GRM5: variants seen among roughly 807,000 people sequenced by gnomAD.
GRM5 encodes the protein glutamate metabotropic receptor 5, also known as metabotropic glutamate receptor 5.
In GRM5, 19 loss-of-function variants were observed where a neutral mutation model predicts 83.1. That is an observed-to-expected ratio of 0.23 (90% CI 0.16 to 0.34). GRM5 has a LOEUF of 0.34. GRM5 is among the 10% of genes least tolerant of loss of function. GRM5 has a pLI of 1.00. For synonymous variants in GRM5, 675 were observed against 633.6 expected, an observed-to-expected ratio of 1.07 and a Z score of -0.98; for missense variants, 1,160 against 1,588.3, an observed-to-expected ratio of 0.73 and a Z score of 4.58.
chr11:88,587,642 C>A (rs1456971578), intron 7 of GRM5, among the ~76,000 whole-genome samples: 1 of 152,068 alleles, frequency 6.6e-6, no homozygotes, highest in African/African-American at 2.4e-5. Context: ...TTCCCCCCAG[C>A]ATTCTCCCCT....
intron 3 of GRM5, among the ~76,000 whole-genome samples, chr11:88,704,484 CAA>C (rs1426533135): frequency 6.6e-6 from 1 of 151,732 alleles, no homozygotes; most frequent in Non-Finnish European, 1.5e-5. Flanking sequence ...CAAAGAAACT[CAA>C]AGCCATTTCT....
intron 2 of GRM5, among the ~76,000 whole-genome samples, chr11:88,925,174 G>A (rs1211501585): frequency 6.6e-6 from 1 of 151,982 alleles, no homozygotes; most frequent in African/African-American, 2.4e-5. Flanking sequence ...GCTCAACAGT[G>A]TCATGATTTA....
Position 88,720,796 on chromosome 11 carries a change from C to CTGTGTGTGTG in GRM5, c.912-67403_912-67394dup, listed in dbSNP as rs748475378. 3.2e-4 allele frequency among the ~76,000 whole-genome samples: 46 copies of CTGTGTGTGTG among 141,766 alleles called. 1 individual carries two copies. The East Asian group carries it at 3.8e-3, about 12-fold the overall frequency. 93.0% of individuals were successfully genotyped at this position (141,766 alleles called of 152,430 possible). ...ACAGGTTTGCAGGAAAATCATTACT[C>CTGTGTGTGTG]TGTGTGTGTGTGTGTGTGTGTGTGC... On this transcript the variant is annotated intron_variant, in intron 3 of 9. Transcript: ENST00000305447.
chr11:88,850,040 C>A lies in GRM5; in HGVS notation c.777G>T (p.Lys259Asn). Residue 259 changes from lysine to asparagine, a missense_variant, in exon 3 of 10, where the codon AAG becomes AAT. Around this residue, in one of 9 missense-constraint regions of GRM5, gnomAD observed 84 missense variants for 231.0 expected, o/e 0.36. Coordinates refer to ENST00000305447, the MANE Select transcript of GRM5 (RefSeq NM_001143831.3). ...AGTGACTTGTGAGCTTCTTCAGCAG[C>A]TTATCAAAGCTCTGCTCCCCTGCAT... ...YSNAGEQSFD[K>N]LLKKLTSHLP... The A allele has an allele frequency of 6.2e-7, 1 of 1,608,102 alleles. No homozygotes were observed. The highest frequency in any genetic ancestry group is 8.5e-7 in the Non-Finnish European group (1 of 1,174,554).
chr11:88,767,118 G>A (rs968880932), intron 3 of GRM5, among the ~76,000 whole-genome samples: 1 of 151,722 alleles, frequency 6.6e-6, no homozygotes, highest in Non-Finnish European at 1.5e-5. Flanking sequence ...CAGTATGCTG[G>A]GATTAGAGAC....
chr11:88,779,690 C>T (rs931883363), intron 3 of GRM5, among the ~76,000 whole-genome samples: 3 of 152,140 alleles, frequency 2.0e-5, no homozygotes, highest in Admixed American at 6.6e-5. Context: ...TGCTGCTCCT[C>T]CTCCTAAGTT....
At chr11:88,959,902 C>A (rs1938731875) in intron 2 of GRM5, among the ~76,000 whole-genome samples, 1 of 152,128 alleles carries the variant, frequency 6.6e-6, no homozygotes. Flanking sequence ...TACAGCTAGA[C>A]TTTGGAAAGA....
chr11:88,697,114 T>A (rs1488889581), intron 3 of GRM5, among the ~76,000 whole-genome samples: 2 of 152,212 alleles, frequency 1.3e-5, no homozygotes, highest in Non-Finnish European at 2.9e-5. Flanking sequence ...ATATATAGTA[T>A]TTTTTATAAA....
chr11:88,785,640 T>C (rs1307471609), intron 3 of GRM5, among the ~76,000 whole-genome samples: 1 of 152,106 alleles, frequency 6.6e-6, no homozygotes, highest in Non-Finnish European at 1.5e-5. Context: ...AGTCAAAGCA[T>C]TCAGTTCTTT....
chr11:88,781,776 G>A (rs1256684524), intron 3 of GRM5, among the ~76,000 whole-genome samples: 1 of 152,130 alleles, frequency 6.6e-6, no homozygotes, highest in Non-Finnish European at 1.5e-5. Flanking sequence ...CTAGCATCAT[G>A]GATTAAATCA....
chr11:88,508,379 A>C lies in GRM5; in HGVS notation c.*213T>G. 1 of 480,380 alleles carries C rather than the reference A, an allele frequency of 2.1e-6. No individual in the cohort carries two copies. Among genetic ancestry groups the C allele is most frequent in the Non-Finnish European group, 3.7e-6 (1 of 273,890 alleles). 29.8% of individuals were successfully genotyped at this position (480,380 alleles called of 1,614,324 possible). A position where few individuals can be genotyped will look rare whatever the true frequency, so the allele number is the denominator to read the frequency against. On this transcript the variant is annotated 3_prime_UTR_variant, in exon 10 of 10. Transcript: ENST00000305447. The surrounding 1 kb of genome is among the most constrained non-coding windows in gnomAD (Gnocchi z 4.2). ...TGTTTCTTAAAAGCCCATGTTTTCT[A>C]AGGCCACTAGAAGAAAATCTGCCAA... is the stretch of plus-strand genomic sequence containing the variant.
intron 3 of GRM5, among the ~76,000 whole-genome samples, chr11:88,704,048 C>T (rs911188018): frequency 6.6e-6 from 1 of 151,968 alleles, no homozygotes. Flanking sequence ...GTTTACTGTC[C>T]TCTCACTATA....
intron 3 of GRM5, among the ~76,000 whole-genome samples, chr11:88,739,071 G>T (rs1376079086): frequency 6.6e-6 from 1 of 151,966 alleles, no homozygotes; most frequent in Non-Finnish European, 1.5e-5. Context: ...GTATTTCATA[G>T]CACATAGCAT....
At chr11:89,064,214 CA>C (rs1472232753) in intron 1 of GRM5, among the ~76,000 whole-genome samples, 1 of 152,192 alleles carries the variant, frequency 6.6e-6, no homozygotes, top group Admixed American at 6.5e-5. Flanking sequence ...TCCTTGCCAC[CA>C]AACCTTCTTC....
intron 2 of GRM5, among the ~76,000 whole-genome samples, chr11:88,884,547 T>G (rs116465633): frequency 0.01 from 1,523 of 152,210 alleles, 26 homozygotes; most frequent in East Asian, 0.072. Flanking sequence ...AGTATGATTG[T>G]GTTTTGAAAT....
chr11:88,772,221 T>C (rs555121179), intron 3 of GRM5, among the ~76,000 whole-genome samples: 1 of 152,122 alleles, frequency 6.6e-6, no homozygotes, highest in East Asian at 1.9e-4. Flanking sequence ...ATGTGATTGG[T>C]AAAAACAAAA....
At chr11:88,925,758 A>G (rs1945777682) in intron 2 of GRM5, 3 of 453,554 alleles carry the variant, frequency 6.6e-6, no homozygotes, top group Non-Finnish European at 1.3e-5. Flanking sequence ...CTAAAAATAC[A>G]AAAATTACCT....
intron 7 of GRM5, among the ~76,000 whole-genome samples, chr11:88,589,752 G>A (rs1937607931): frequency 6.6e-6 from 1 of 152,066 alleles, no homozygotes; most frequent in South Asian, 2.1e-4. Flanking sequence ...ATGCTCCTAT[G>A]TCTATAAATC....
chr11:88,995,872 G>A (rs1350049116), intron 2 of GRM5, among the ~76,000 whole-genome samples: 1 of 152,014 alleles, frequency 6.6e-6, no homozygotes, highest in East Asian at 1.9e-4. Flanking sequence ...TTGGGGCTCT[G>A]GGCATGGAAA....
Sources: allele counts gnomAD v4.1 joint callset (sites outside exome capture counted in the v4.1 genomes callset), GRCh38; gene constraint gnomAD v4.1.1; regional missense constraint gnomAD v4.1.1; non-coding constraint Gnocchi (gnomAD v3.1); transcripts MANE v1.5; gene names NCBI Gene and HGNC (gene_info 2026-07-23, HGNC 2026-07-21).